Variants in ANKS6 observed in about 807,000 individuals in gnomAD.
ANKS6 encodes ankyrin repeat and SAM domain-containing protein 6.
In ANKS6, 47 loss-of-function variants were observed where a neutral mutation model predicts 77.9. That is an observed-to-expected ratio of 0.60 (90% CI 0.48 to 0.77). ANKS6 has a LOEUF of 0.77. ANKS6 is among the 30% of genes least tolerant of loss of function. The pLI is 0.00. For missense variants in ANKS6, 1,150 were observed against 1,159.1 expected, an observed-to-expected ratio of 0.99 and a Z score of 0.11; for synonymous variants, 488 against 501.7, an observed-to-expected ratio of 0.97 and a Z score of 0.37.
At chr9:98,743,820 T>A (rs893584845) in intron 14 of ANKS6, among the ~76,000 whole-genome samples, 2 of 152,242 alleles carry the variant, frequency 1.3e-5, no homozygotes, top group African/African-American at 4.8e-5. Flanking sequence ...AATACCCGCA[T>A]GGTGCCTGAG....
intron 2 of ANKS6, among the ~76,000 whole-genome samples, chr9:98,787,875 T>C (rs1834660581): frequency 6.6e-6 from 1 of 152,244 alleles, no homozygotes; most frequent in Non-Finnish European, 1.5e-5. Context: ...GGTTCGCTCC[T>C]GTCAAATAAC....
chr9:98,741,002 A>T (rs1434573311), intron 14 of ANKS6, among the ~76,000 whole-genome samples: 1 of 152,218 alleles, frequency 6.6e-6, no homozygotes, highest in Non-Finnish European at 1.5e-5. Context: ...CTTTCCGGAA[A>T]GTTATTCAGA....
intron 12 of ANKS6, among the ~76,000 whole-genome samples, chr9:98,751,997 G>T (rs1832452422): frequency 6.6e-6 from 1 of 152,132 alleles, no homozygotes; most frequent in South Asian, 2.1e-4. Context: ...GAAGCAAGAG[G>T]ATCACTTGTG....
chr9:98,768,381 C>T (rs887877308), intron 10 of ANKS6, 131 bp from the exon 11 acceptor site: 1 of 1,081,412 alleles, frequency 9.2e-7, no homozygotes, highest in South Asian at 1.5e-5. Context: ...GGCTCCAGGA[C>T]AGGACTGACC....
intron 9 of ANKS6, among the ~76,000 whole-genome samples, chr9:98,772,065 C>T (rs890092737): frequency 2.6e-4 from 39 of 152,104 alleles, no homozygotes; most frequent in Admixed American, 2.0e-4. Flanking sequence ...GAATTGCAGC[C>T]GCCAAAAAGA....
At chr9:98,762,240 G>C (rs1217705942) in intron 11 of ANKS6, among the ~76,000 whole-genome samples, 1 of 152,130 alleles carries the variant, frequency 6.6e-6, no homozygotes, top group Non-Finnish European at 1.5e-5. Context: ...TACTACTGTA[G>C]AGAAATACAG....
At position 98,791,596 on chromosome 9, in the gene ANKS6, G is replaced by C. The variant is rs1372046245; in HGVS notation, c.360-990C>G. The stretch of plus-strand genomic sequence containing the variant: ...TATCTCCAAGCTGGAAGCGGCCCTG[G>C]ACTAACAAGAAAACAATGACAAGAC... On this transcript the variant is annotated intron_variant, in intron 1 of 14. Coordinates refer to ENST00000353234, the MANE Select transcript of ANKS6 (RefSeq NM_173551.5). This position sits in a 1 kb window ranked among gnomAD's most constrained non-coding sequence, Gnocchi z 4.3. Among the ~76,000 whole-genome samples the C allele has an allele frequency of 6.6e-6, 1 of 152,104 alleles. No homozygotes were observed. The highest frequency in any genetic ancestry group is 1.9e-4 in the East Asian group (1 of 5,190).
chr9:98,736,616 T>C lies in ANKS6; in HGVS notation c.2519A>G (p.Glu840Gly), dbSNP rs1229981941. 1 of 1,609,168 alleles carries C rather than the reference T, an allele frequency of 6.2e-7. No homozygotes were observed. Among genetic ancestry groups the C allele is most frequent in the Non-Finnish European group, 8.5e-7 (1 of 1,177,510 alleles). ...AATGGTTTCCTGTAAAATTTGTCTC[T>C]CGCGTCCCTGTGGAGGAAATTGAAA... Reference protein sequence around the residue: ...ISELNAGKGRERQILQETIHN... With the variant: ...ISELNAGKGRGRQILQETIHN... Residue 840 changes from glutamate (E) to glycine (G), a missense_variant, in exon 15 of 15, where the codon GAG becomes GGG. Physicochemically the swap from Glu to Gly is moderately conservative, Grantham distance 98. Transcript: ENST00000353234.
chr9:98,783,727 G>T (rs1323619780), intron 4 of ANKS6: 7 of 400,780 alleles, frequency 1.7e-5, no homozygotes, highest in African/African-American at 1.2e-4. Flanking sequence ...GGTTTTTCAG[G>T]GCCATTGTGA....
intron 14 of ANKS6, among the ~76,000 whole-genome samples, chr9:98,739,283 AAACAACAACAACGACAAC>A (rs1415166431): frequency 6.6e-6 from 1 of 152,168 alleles, no homozygotes; most frequent in East Asian, 1.9e-4. Flanking sequence ...AAAAAATTAA[AAACAACAACAACGACAAC>A]AACAACAACA....
chr9:98,788,045 T>C (rs1834672566), intron 2 of ANKS6, among the ~76,000 whole-genome samples: 1 of 152,114 alleles, frequency 6.6e-6, no homozygotes, highest in Non-Finnish European at 1.5e-5. Flanking sequence ...TGGTTCAAGG[T>C]CCCTTGGCCA....
At chr9:98,789,920 G>A (rs1403304167) in intron 2 of ANKS6, 184 bp downstream of exon 2, 14 of 860,430 alleles carry the variant, frequency 1.6e-5, no homozygotes, top group African/African-American at 6.7e-5. Flanking sequence ...CAGAGAGTGG[G>A]CCCAGAACCT....
At chr9:98,787,895 A>G (rs1173071759) in intron 2 of ANKS6, among the ~76,000 whole-genome samples, 1 of 152,168 alleles carries the variant, frequency 6.6e-6, no homozygotes, top group African/African-American at 2.4e-5. Context: ...CGCCGACAAC[A>G]CTATGGAGTA....
chr9:98,786,293 G>GTT (rs376048676), intron 2 of ANKS6, among the ~76,000 whole-genome samples: 304 of 129,692 alleles, frequency 2.3e-3, no homozygotes, highest in African/African-American at 8.0e-3. Flanking sequence ...CTCCAGAATT[G>GTT]TTTTTTTTTT....
At chr9:98,739,803 G>A (rs997505935) in intron 14 of ANKS6, among the ~76,000 whole-genome samples, 5 of 108,182 alleles carry the variant, frequency 4.6e-5, no homozygotes, top group Admixed American at 3.9e-4. Flanking sequence ...CGCCCAGGCT[G>A]GAGTGCAGTG....
At position 98,733,716 on chromosome 9, in the gene ANKS6, C is replaced by T; in HGVS notation, c.*2803G>A. The T allele has an allele frequency of 3.0e-6, 3 of 985,462 alleles. No individual in the cohort carries two copies. The highest frequency in any genetic ancestry group is 9.4e-5 in the South Asian group (2 of 21,284). The allele number at this position is 985,462 out of a possible 1,614,324, so 61.0% of individuals were successfully genotyped here. ...GCCCTGTGAAGAGGCCTGACCCATGCTGGCATGCTGAAGGTTGTGAGAGGC... is the reference window on the plus strand; with the variant it reads ...GCCCTGTGAAGAGGCCTGACCCATGTTGGCATGCTGAAGGTTGTGAGAGGC... On this transcript the variant is annotated 3_prime_UTR_variant, in exon 15 of 15. Transcript: ENST00000353234.
At chr9:98,794,497 G>A (rs1588427532) in intron 1 of ANKS6, among the ~76,000 whole-genome samples, 1 of 152,170 alleles carries the variant, frequency 6.6e-6, no homozygotes, top group East Asian at 1.9e-4. Context: ...CTTTTCTTAT[G>A]AATTACGCAG....
At chr9:98,752,913 C>G (rs537396992) in intron 12 of ANKS6, among the ~76,000 whole-genome samples, 1 of 152,168 alleles carries the variant, frequency 6.6e-6, no homozygotes, top group Non-Finnish European at 1.5e-5. Context: ...GGCTACTGAG[C>G]GAGGATGTAT....
At chr9:98,759,155 C>T (rs1351652019) in intron 11 of ANKS6, among the ~76,000 whole-genome samples, 5 of 152,124 alleles carry the variant, frequency 3.3e-5, no homozygotes, top group Admixed American at 2.6e-4. Context: ...GGGTACCATA[C>T]AGAAGAGTTC....
Sources: gnomAD v4.1 joint callset for allele counts (sites outside exome capture counted in the v4.1 genomes callset) on GRCh38, gnomAD v4.1.1 for gene constraint, Gnocchi (gnomAD v3.1) non-coding constraint, MANE v1.5 for transcripts, NCBI Gene and HGNC (gene_info 2026-07-23, HGNC 2026-07-21) for gene names.